Variants in COL11A1 observed in about 807,000 individuals in gnomAD.
COL11A1 encodes collagen alpha-1(XI) chain.
COL11A1 carries 74 observed loss-of-function variants against 265.2 expected under a neutral mutation model. That is an observed-to-expected ratio of 0.28 (90% CI 0.23 to 0.34). The LOEUF (loss-of-function observed/expected upper bound fraction) is 0.34, where lower values mean the gene tolerates loss of function less well. Among genes scored for constraint, COL11A1 ranks in the 10% least tolerant of loss-of-function variants. COL11A1 has a pLI of 1.00. For missense variants in COL11A1, 2,165 were observed against 2,263.6 expected, an observed-to-expected ratio of 0.96 and a Z score of 0.88; for synonymous variants, 816 against 727.6, an observed-to-expected ratio of 1.12 and a Z score of -1.96.
chr1:102,978,894 C>T lies in COL11A1; in HGVS notation c.2675G>A (p.Gly892Asp). 6.2e-7 allele frequency: 1 copy of T among 1,614,142 alleles called. No homozygotes were observed. The highest frequency in any genetic ancestry group is 8.5e-7 in the Non-Finnish European group (1 of 1,180,008). The change falls in exon 34 of 67, where the codon GGT becomes GAT. Residue 892 changes from glycine (G) to aspartate (D), a missense_variant. By Grantham distance (94) the Gly-to-Asp change is moderately conservative. Transcript: ENST00000370096. The stretch of plus-strand genomic sequence containing the variant: ...AGGTTTCCCAGTGGGACCTCTTGCA[C>T]CTCTTGAACCTCGAGGACCCTGCAG... Reference protein sequence around the residue: ...RGPTGPRGSRGARGPTGKPGP... With the variant: ...RGPTGPRGSRDARGPTGKPGP...
At chr1:102,960,677 A>G (rs1660816375) in intron 41 of COL11A1, among the ~76,000 whole-genome samples, 1 of 152,072 alleles carries the variant, frequency 6.6e-6, no homozygotes, top group South Asian at 2.1e-4. Flanking sequence ...AGAAAAGGTC[A>G]TGGTTTTGAG....
Position 103,088,432 on chromosome 1 carries a change from C to G in COL11A1, c.107-5460G>C, listed in dbSNP as rs559797680. Among the ~76,000 whole-genome samples the G allele has an allele frequency of 2.0e-5, 3 of 152,234 alleles. No homozygotes were observed. In the South Asian group the frequency reaches 6.2e-4, roughly 32 times the overall value. On this transcript the variant is annotated intron_variant, in intron 1 of 66. Coordinates refer to ENST00000370096, the MANE Select transcript of COL11A1 (RefSeq NM_001854.4). ...AATCTGTGCCTGTGGGTATAGACCT[C>G]CCATAGACCTCCTTGCTGCCTATTT...
chr1:103,012,466 C>A lies in COL11A1; in HGVS notation c.1576G>T (p.Ala526Ser), dbSNP rs1391110750. The A allele has an allele frequency of 3.1e-6, 5 of 1,612,042 alleles. No homozygotes were observed. Among genetic ancestry groups the A allele is most frequent in the Non-Finnish European group, 4.2e-6 (5 of 1,178,458 alleles). ...ATTGGGCCAGGTGGGCCTCTCAGAG[C>A]AATCTAGAAAACAAAATATATCAAA... ...AQAILQQARI[A>S]LRGPPGPMGL... Residue 526 changes from alanine (A) to serine (S), a missense_variant, in exon 14 of 67, where the codon GCT (alanine) becomes TCT (serine). Ala to Ser is a moderately conservative substitution (Grantham distance 99). Transcript: ENST00000370096.
intron 54 of COL11A1, among the ~76,000 whole-genome samples, chr1:102,904,688 C>G (rs1240988571): frequency 6.6e-6 from 1 of 151,986 alleles, no homozygotes; most frequent in Non-Finnish European, 1.5e-5. Flanking sequence ...CCATCTCACA[C>G]CAGTTAGAAT....
intron 13 of COL11A1, 152 bp from the exon 14 acceptor site, chr1:103,012,621 C>A: frequency 1.5e-6 from 1 of 665,652 alleles, no homozygotes. Flanking sequence ...TACTGAAGAA[C>A]TGCAAATTTC....
intron 1 of COL11A1, among the ~76,000 whole-genome samples, chr1:103,091,563 T>G (rs1673326200): frequency 6.6e-6 from 1 of 152,062 alleles, no homozygotes; most frequent in African/African-American, 2.4e-5. Flanking sequence ...TATGAAGCCC[T>G]TACAGTTGTA....
chr1:103,046,835 T>C (rs1446510294), intron 4 of COL11A1, among the ~76,000 whole-genome samples: 1 of 151,704 alleles, frequency 6.6e-6, no homozygotes, highest in Admixed American at 6.6e-5. Flanking sequence ...GCTAGCCAGT[T>C]TTCCCAGCAC....
intron 4 of COL11A1, among the ~76,000 whole-genome samples, chr1:103,034,457 C>A (rs1439763729): frequency 6.6e-6 from 1 of 151,980 alleles, no homozygotes; most frequent in East Asian, 1.9e-4. Flanking sequence ...TTTGTCAGCT[C>A]AAATTCTTTG....
chr1:103,042,987 G>T (rs1668936063), intron 4 of COL11A1, among the ~76,000 whole-genome samples: 1 of 129,416 alleles, frequency 7.7e-6, no homozygotes, highest in Middle Eastern at 3.7e-3. Flanking sequence ...AAATATATAT[G>T]ATATATATTA....
intron 9 of COL11A1, among the ~76,000 whole-genome samples, chr1:103,020,055 G>A (rs1182880456): frequency 6.6e-6 from 1 of 150,774 alleles, no homozygotes; most frequent in Non-Finnish European, 1.5e-5. Flanking sequence ...ACATACATGT[G>A]CATGTATCTT....
chr1:102,890,247 C>T (rs1000642511), intron 58 of COL11A1, among the ~76,000 whole-genome samples: 2 of 151,998 alleles, frequency 1.3e-5, no homozygotes, highest in Non-Finnish European at 2.9e-5. Context: ...GAAGATATAG[C>T]ACTGAATTCC....
intron 57 of COL11A1, among the ~76,000 whole-genome samples, chr1:102,893,792 T>C (rs1426577595): frequency 1.3e-5 from 2 of 152,142 alleles, no homozygotes; most frequent in Admixed American, 1.3e-4. Flanking sequence ...TAATATTTAA[T>C]CTGGTGAAAA....
At chr1:102,888,793 T>G (rs886970938) in intron 60 of COL11A1, 35 bp from the exon 61 acceptor site, 2 of 1,613,584 alleles carry the variant, frequency 1.2e-6, no homozygotes, top group Non-Finnish European at 1.7e-6. Context: ...CAGATAAAAA[T>G]CTGGAGCATT....
rs374213334 is a variant in COL11A1, at chr1:102,970,281, A to G, written c.2809-9T>C. The stretch of plus-strand genomic sequence containing the variant: ...TCCTTCCCAGGTGGTCCCTGAAATT[A>G]CAAATATTAAATACCACATGTCATA... On this transcript the variant is annotated splice_polypyrimidine_tract_variant and intron_variant, in intron 36 of 66. Transcript: ENST00000370096. 1.2e-6 allele frequency: 2 copies of G among 1,605,118 alleles called. No homozygotes were observed. Among genetic ancestry groups the G allele is most frequent in the South Asian group, 2.2e-5 (2 of 90,600 alleles).
intron 4 of COL11A1, among the ~76,000 whole-genome samples, chr1:103,036,194 T>C (rs1668353517): frequency 1.3e-5 from 2 of 151,180 alleles, no homozygotes; most frequent in Non-Finnish European, 3.0e-5. Context: ...ATTTGTAAAA[T>C]GAATGCACTG....
chr1:103,079,334 C>T (rs1932987), intron 2 of COL11A1, among the ~76,000 whole-genome samples: 14,106 of 152,028 alleles, frequency 0.093, 785 homozygotes, highest in Non-Finnish European at 0.11. Flanking sequence ...TAAGAGTTTT[C>T]GATTAGTTCT....
At chr1:103,084,149 T>A (rs1672668580) in intron 1 of COL11A1, among the ~76,000 whole-genome samples, 1 of 152,208 alleles carries the variant, frequency 6.6e-6, no homozygotes, top group Non-Finnish European at 1.5e-5. Flanking sequence ...TTCAGTAGCA[T>A]TAATTACACT....
intron 23 of COL11A1, 110 bp downstream of exon 23, chr1:103,002,318 T>C: frequency 1.9e-6 from 2 of 1,027,884 alleles, no homozygotes; most frequent in Non-Finnish European, 3.0e-6. Flanking sequence ...ACATTCACAT[T>C]TTAAATATTG....
At chr1:103,057,837 C>T (rs1275245460) in intron 4 of COL11A1, among the ~76,000 whole-genome samples, 1 of 152,130 alleles carries the variant, frequency 6.6e-6, no homozygotes, top group East Asian at 1.9e-4. Flanking sequence ...TTTGTGGTTC[C>T]ATTTATAGAG....
Sources: allele counts gnomAD v4.1 joint callset (sites outside exome capture counted in the v4.1 genomes callset), GRCh38; gene constraint gnomAD v4.1.1; transcripts MANE v1.5; gene names NCBI Gene and HGNC (gene_info 2026-07-23, HGNC 2026-07-21).